Variants in ASIC2 observed in about 807,000 individuals in gnomAD.
ASIC2 encodes the protein acid-sensing ion channel 2.
A neutral mutation model predicts 57.3 loss-of-function variants in ASIC2; 25 were observed. The observed-to-expected ratio is 0.44, with a 90% CI of 0.32 to 0.61. The LOEUF (loss-of-function observed/expected upper bound fraction) is 0.61, where lower values mean the gene tolerates loss of function less well. ASIC2 is among the 20% of genes least tolerant of loss of function. The pLI, the probability that ASIC2 is intolerant of heterozygous loss-of-function variation, is 0.06. For missense variants in ASIC2, 641 were observed against 738.1 expected, an observed-to-expected ratio of 0.87 and a Z score of 1.52; for synonymous variants, 319 against 307.5, an observed-to-expected ratio of 1.04 and a Z score of -0.39.
chr17:34,029,010 A>T (rs759497010), intron 1 of ASIC2, among the ~76,000 whole-genome samples: 2 of 152,138 alleles, frequency 1.3e-5, no homozygotes, highest in Non-Finnish European at 2.9e-5. Context: ...AGCTCCATCA[A>T]CTTCTCAAAG....
intron 1 of ASIC2, among the ~76,000 whole-genome samples, chr17:33,709,841 T>G (rs1246778129): frequency 6.6e-6 from 1 of 152,208 alleles, no homozygotes; most frequent in Admixed American, 6.5e-5. Flanking sequence ...CACTTAACAT[T>G]TTTAAGCACC....
rs1302874329 is a variant in ASIC2, at chr17:34,099,126, GAGAGAGAGAGAGAGAGAGAC to G, written c.555+56832_555+56851del. ...AAAGAGAGAGAGAGAGAGAGAGAGA[GAGAGAGAGAGAGAGAGAGAC>G]AGAGAGAGAGAGAGAGAGAAAGAAA... On this transcript the variant is annotated intron_variant, in intron 1 of 9. Transcript: ENST00000359872. Among the ~76,000 whole-genome samples the G allele has an allele frequency of 2.7e-3, 84 of 30,910 alleles. 3 individuals are homozygous for G. The highest frequency in any genetic ancestry group is 8.6e-3 in the African/African-American group (78 of 9,092). 20.3% of individuals were successfully genotyped at this position (30,910 alleles called of 152,430 possible). A position where few individuals can be genotyped will look rare whatever the true frequency, so the allele number is the denominator to read the frequency against.
chr17:33,430,121 C>T (rs1042233609), intron 1 of ASIC2, among the ~76,000 whole-genome samples: 8 of 152,188 alleles, frequency 5.3e-5, no homozygotes, highest in Non-Finnish European at 8.8e-5. Flanking sequence ...GCTGCATGAC[C>T]CACTGAAACC....
intron 1 of ASIC2, among the ~76,000 whole-genome samples, chr17:34,034,365 A>G (rs556816196): frequency 6.6e-6 from 1 of 152,342 alleles, no homozygotes; most frequent in South Asian, 2.1e-4. Context: ...CGTATCTCAA[A>G]ATAATAAGAG....
intron 1 of ASIC2, among the ~76,000 whole-genome samples, chr17:33,579,706 A>G (rs931479946): frequency 1.3e-4 from 20 of 152,200 alleles, no homozygotes; most frequent in African/African-American, 4.6e-4. Flanking sequence ...CTTCGCAGCC[A>G]GCGTTACAAC....
At chr17:33,170,026 G>A (rs1245316746) in intron 1 of ASIC2, among the ~76,000 whole-genome samples, 3 of 152,218 alleles carry the variant, frequency 2.0e-5, no homozygotes, top group Admixed American at 6.5e-5. Context: ...AGGCAGCAGA[G>A]GAGAGAGAGC....
chr17:33,600,739 G>A (rs867486790), intron 1 of ASIC2, among the ~76,000 whole-genome samples: 8 of 152,114 alleles, frequency 5.3e-5, no homozygotes, highest in South Asian at 2.1e-4. Flanking sequence ...GGCAATTCTG[G>A]TGAGGGCTCA....
chr17:33,725,664 C>T (rs537104326), intron 1 of ASIC2, among the ~76,000 whole-genome samples: 6 of 152,182 alleles, frequency 3.9e-5, no homozygotes, highest in African/African-American at 1.4e-4. Context: ...TCTCTTCTTA[C>T]CCCATCCCAA....
chr17:33,296,314 G>T (rs1054856790), upstream of ASIC2, among the ~76,000 whole-genome samples: 4 of 152,038 alleles, frequency 2.6e-5, no homozygotes, highest in Admixed American at 6.6e-5. Context: ...AGGAGAGCAG[G>T]CTTTGCCCAG....
chr17:33,936,554 G>C (rs1403831791), intron 1 of ASIC2: 2 of 152,204 alleles, frequency 1.3e-5, no homozygotes, highest in Non-Finnish European at 2.9e-5. Context: ...AGGCCAGAAG[G>C]GAAACTACTC....
At chr17:34,079,051 T>C (rs1249197044) in intron 1 of ASIC2, 2 of 152,220 alleles carry the variant, frequency 1.3e-5, no homozygotes, top group Non-Finnish European at 2.9e-5. Flanking sequence ...ACCTGGACTC[T>C]TGCAATCATG....
intron 1 of ASIC2, among the ~76,000 whole-genome samples, chr17:33,532,753 G>C (rs1024536315): frequency 6.6e-6 from 1 of 152,080 alleles, no homozygotes; most frequent in African/African-American, 2.4e-5. Flanking sequence ...CGCCAGTCTT[G>C]CCTCTCACCC....
intron 1 of ASIC2, chr17:33,793,798 C>T (rs774192427): frequency 2.0e-5 from 3 of 152,128 alleles, no homozygotes; most frequent in Non-Finnish European, 4.4e-5. Context: ...TAATATACTT[C>T]GTCATTTGAT....
At chr17:33,223,275 A>T (rs11653391) in intron 1 of ASIC2, among the ~76,000 whole-genome samples, 2 of 151,760 alleles carry the variant, frequency 1.3e-5, no homozygotes, top group African/African-American at 2.4e-5. Flanking sequence ...CTCCGCCTCC[A>T]GGGTTCAAGT....
chr17:33,689,215 G>C (rs1273202669), intron 1 of ASIC2: 1 of 152,168 alleles, frequency 6.6e-6, no homozygotes. Flanking sequence ...ATAATGGACT[G>C]TAGCCATTGC....
At chr17:33,190,836 G>A (rs1476981427) in intron 1 of ASIC2, among the ~76,000 whole-genome samples, 1 of 152,174 alleles carries the variant, frequency 6.6e-6, no homozygotes, top group African/African-American at 2.4e-5. Context: ...AAGGGTCAGG[G>A]AAGATGCAGA....
At chr17:33,295,381 C>T (rs1905683180), upstream of ASIC2, among the ~76,000 whole-genome samples, 1 of 152,234 alleles carries the variant, frequency 6.6e-6, no homozygotes, top group South Asian at 2.1e-4. Flanking sequence ...CACATGTATG[C>T]AGCACATTCT....
chr17:33,033,154 T>C (rs988763457), intron 3 of ASIC2, among the ~76,000 whole-genome samples: 4 of 152,212 alleles, frequency 2.6e-5, no homozygotes, highest in African/African-American at 9.6e-5. Flanking sequence ...TAGCTGGGGC[T>C]GCACACTCCG....
At chr17:33,038,457 G>C (rs1320015580) in intron 3 of ASIC2, among the ~76,000 whole-genome samples, 1 of 152,138 alleles carries the variant, frequency 6.6e-6, no homozygotes, top group African/African-American at 2.4e-5. Context: ...AGAGATCTGG[G>C]CTACAGACAT....
Sources: gnomAD v4.1 joint callset for allele counts (sites outside exome capture counted in the v4.1 genomes callset) on GRCh38, gnomAD v4.1.1 for gene constraint, MANE v1.5 for transcripts, NCBI Gene and HGNC (gene_info 2026-07-23, HGNC 2026-07-21) for gene names.